The following FLNC variants were observed in gnomAD, a reference collection of about 807,000 sequenced individuals.
FLNC encodes filamin-C.
A neutral mutation model predicts 254.3 loss-of-function variants in FLNC; 91 were observed. The ratio of observed to expected loss-of-function variants is 0.36; its 90% CI spans 0.30 to 0.43. The LOEUF (loss-of-function observed/expected upper bound fraction) is 0.43. FLNC is among the 20% of genes least tolerant of loss of function. The pLI is 1.00. For missense variants in FLNC, 2,853 were observed against 3,802.6 expected, an observed-to-expected ratio of 0.75 and a Z score of 6.57; for synonymous variants, 1,430 against 1,577.2, an observed-to-expected ratio of 0.91 and a Z score of 2.21.
rs968733991 is a variant in FLNC at position 128,830,454 on chromosome 7, G to C, written c.-184G>C. 37 of 608,816 alleles carry C rather than the reference G, an allele frequency of 6.1e-5. No individual in the cohort carries two copies. The highest frequency in any genetic ancestry group is 9.0e-5 in the Non-Finnish European group (31 of 345,614). 37.7% of individuals were successfully genotyped at this position (608,816 alleles called of 1,614,324 possible). On this transcript the variant is annotated 5_prime_UTR_variant, in exon 1 of 48. Transcript: ENST00000325888. Reference sequence around the variant, plus strand: ...CCCTGGAGGGAGAGAGAGCCAGAGAGCGGCCGAGCGCCTAGGAGGCCCGCC... The same window carrying C: ...CCCTGGAGGGAGAGAGAGCCAGAGACCGGCCGAGCGCCTAGGAGGCCCGCC...
chr7:128,835,333 G>A lies in FLNC; in HGVS notation c.360G>A (p.Lys120=), dbSNP rs867399299. The part of the protein sequence containing the change: ...EHIKLVSIDS[K]AIVDGNLKLI... Reference sequence around the variant, plus strand: ...GTGCCCTCCCCTCTGCAGACAGCAAGGCCATCGTGGATGGGAACCTGAAGC... The same window carrying A: ...GTGCCCTCCCCTCTGCAGACAGCAAAGCCATCGTGGATGGGAACCTGAAGC... The change falls in exon 2 of 48, where the codon AAG becomes AAA. Residue 120 remains lysine, a synonymous_variant. Transcript: ENST00000325888. The surrounding 1 kb of genome is among the most constrained non-coding windows in gnomAD (Gnocchi z 5.3). 1.1e-5 allele frequency: 17 copies of A among 1,613,588 alleles called. No homozygotes were observed. The highest frequency in any genetic ancestry group is 1.4e-5 in the Non-Finnish European group (16 of 1,180,030).
Position 128,848,996 on chromosome 7 carries a change from C to T in FLNC, c.4927+14C>T, listed in dbSNP as rs542105844. ...GCCTCGTCACAGGTGGGTGCCCACC[C>T]GCTGCCCGTGCCCTGCTCACCACCC... On this transcript the variant is annotated intron_variant, in intron 28 of 47. Coordinates refer to ENST00000325888, the MANE Select transcript of FLNC (RefSeq NM_001458.5). 1.6e-5 allele frequency: 25 copies of T among 1,609,000 alleles called. 1 individual carries two copies. The highest frequency in any genetic ancestry group is 1.2e-4 in the South Asian group (11 of 90,976).
chr7:128,843,469 G>A lies in FLNC; in HGVS notation c.2703G>A (p.Lys901=). The change falls in exon 18 of 48, where the codon AAG becomes AAA. Residue 901 remains lysine, a synonymous_variant. Transcript: ENST00000325888. ...TGACCAAGGGAGCCGGCAAGGCCAAGCTGGATGTGCAGTTTGCAGGGACAG... is the reference window on the plus strand; with the variant it reads ...TGACCAAGGGAGCCGGCAAGGCCAAACTGGATGTGCAGTTTGCAGGGACAG... ...TVLTKGAGKA[K]LDVQFAGTAK... 1 of 1,614,150 alleles carries A rather than the reference G, an allele frequency of 6.2e-7. No homozygotes were observed.
chr7:128,850,159 G>C, intron 31 of FLNC, 85 bp downstream of exon 31: 1 of 1,248,036 alleles, frequency 8.0e-7, no homozygotes, highest in East Asian at 2.5e-5. Context: ...CCAGGGCGGG[G>C]ACATGGTCTG....
chr7:128,857,719 C>T lies in FLNC; in HGVS notation c.7781-289C>T, dbSNP rs913091618. ...GGGTGGGTGTTCCTTTGTAAAGTGG[C>T]TCTTACCCTGTGAGTTAGCCTGAGT... On this transcript the variant is annotated intron_variant, in intron 46 of 47. Coordinates refer to ENST00000325888, the MANE Select transcript of FLNC (RefSeq NM_001458.5). This position sits in a 1 kb window ranked among gnomAD's most constrained non-coding sequence, Gnocchi z 4.5. 6.6e-6 allele frequency among the ~76,000 whole-genome samples: 1 copy of T among 151,956 alleles called. No homozygotes were observed. The highest frequency in any genetic ancestry group is 6.5e-5 in the Admixed American group (1 of 15,274).
At position 128,851,485 on chromosome 7, in the gene FLNC, C is replaced by G; in HGVS notation, c.5699C>G (p.Ser1900Cys). 6.2e-7 allele frequency: 1 copy of G among 1,613,994 alleles called. No homozygotes were observed. The highest frequency in any genetic ancestry group is 8.5e-7 in the Non-Finnish European group (1 of 1,180,040). The change falls in exon 35 of 48, where the codon TCC becomes TGC. Residue 1900 changes from serine (S) to cysteine (C), a missense_variant. By Grantham distance (112) the Ser-to-Cys change is moderately radical. This residue lies in a region of FLNC where 551 missense variants were observed against 835.0 expected (regional missense o/e 0.66). Coordinates refer to ENST00000325888, the MANE Select transcript of FLNC (RefSeq NM_001458.5). ...GGLSLAVEGP[S>C]KAEITCKDNK... ...CTGTCACTGGCCGTGGAGGGCCCAT[C>G]CAAGGCAGAGATCACCTGTAAGGAC... is the stretch of plus-strand genomic sequence containing the variant.
At chr7:128,850,530 T>C in intron 32 of FLNC, 47 bp downstream of exon 32, 1 of 1,468,154 alleles carries the variant, frequency 6.8e-7, no homozygotes, top group Non-Finnish European at 9.5e-7. Flanking sequence ...GGAGAAACCC[T>C]CTTCCAGGCC....
In FLNC at chr7:128,856,731, C is replaced by T; in HGVS notation, c.7385-14C>T. 1.2e-6 allele frequency: 2 copies of T among 1,614,140 alleles called. No homozygotes were observed. Among genetic ancestry groups the T allele is most frequent in the South Asian group, 1.1e-5 (1 of 91,076 alleles). On this transcript the variant is annotated splice_polypyrimidine_tract_variant and intron_variant, in intron 44 of 47. Coordinates refer to ENST00000325888, the MANE Select transcript of FLNC (RefSeq NM_001458.5). This position sits in a 1 kb window ranked among gnomAD's most constrained non-coding sequence, Gnocchi z 5.9. Reference sequence around the variant, plus strand: ...GGAAGGATGGAGGCTAAGCCACCAACCCTTTATCCACAGACAAGCACACCA... The same window carrying T: ...GGAAGGATGGAGGCTAAGCCACCAATCCTTTATCCACAGACAAGCACACCA...
In FLNC at chr7:128,854,642, C is replaced by G. The variant is rs553639480; in HGVS notation, c.6957C>G (p.Ala2319=). The G allele has an allele frequency of 6.2e-7, 1 of 1,612,568 alleles. No individual in the cohort carries two copies. The highest frequency in any genetic ancestry group is 1.7e-5 in the Admixed American group (1 of 59,902). ...AAGGTGGTGCCCACAAGGTGCGGGC[C>G]GGAGGCACAGGGCTGGAGCGAGGTG... is the stretch of plus-strand genomic sequence containing the variant. ...LGEGGAHKVR[A]GGTGLERGVA... is the part of the protein sequence containing the mutation. Residue 2319 remains alanine (A), a synonymous_variant, in exon 41 of 48, where the codon GCC becomes GCG. Transcript: ENST00000325888.
Position 128,850,372 on chromosome 7 carries a change from C to T in FLNC, c.5299-12C>T, listed in dbSNP as rs1434866018. On this transcript the variant is annotated splice_polypyrimidine_tract_variant and intron_variant, in intron 31 of 47. Coordinates refer to ENST00000325888, the MANE Select transcript of FLNC (RefSeq NM_001458.5). ...TCCCCAGTCACTGACTGTTCCCTCT[C>T]ACCTGCTGCAGGCCACAGAGGAGCC... The T allele has an allele frequency of 6.2e-7, 1 of 1,609,848 alleles. No homozygotes were observed. The highest frequency in any genetic ancestry group is 1.7e-5 in the Admixed American group (1 of 60,020).
rs60473969 is a variant in FLNC, at chr7:128,858,576, TACACACACAC to T, written c.*67_*76del. On this transcript the variant is annotated 3_prime_UTR_variant, in exon 48 of 48. Transcript: ENST00000325888. This position sits in a 1 kb window ranked among gnomAD's most constrained non-coding sequence, Gnocchi z 6.7. ...CCCCCACCTCCAGCCACACACACAT[TACACACACAC>T]ACACACACACACAAATGTGCCACAC... 11 of 998,964 alleles carry T rather than the reference TACACACACAC, an allele frequency of 1.1e-5. No homozygotes were observed. The highest frequency in any genetic ancestry group is 2.6e-5 in the East Asian group (1 of 39,212). 61.9% of individuals were successfully genotyped at this position (998,964 alleles called of 1,614,324 possible). A position where few individuals can be genotyped will look rare whatever the true frequency, so the allele number is the denominator to read the frequency against.
chr7:128,851,539 A>C lies in FLNC; in HGVS notation c.5753A>C (p.Tyr1918Ser). ...DNKDGTCTVS[Y>S]LPTAPGDYSI... Reference sequence around the variant, plus strand: ...AAGGATGGCACCTGCACCGTGTCCTATCTGCCGACTGCGCCTGGAGACTAC... The same window carrying C: ...AAGGATGGCACCTGCACCGTGTCCTCTCTGCCGACTGCGCCTGGAGACTAC... Residue 1918 changes from tyrosine to serine, a missense_variant, in exon 35 of 48, where the codon TAT (tyrosine) becomes TCT (serine). Physicochemically the swap from Tyr to Ser is moderately radical, Grantham distance 144. Coordinates refer to ENST00000325888, the MANE Select transcript of FLNC (RefSeq NM_001458.5). 2 of 1,613,992 alleles carry C rather than the reference A, an allele frequency of 1.2e-6. No homozygotes were observed. The highest frequency in any genetic ancestry group is 1.7e-6 in the Non-Finnish European group (2 of 1,180,046).
At position 128,837,653 on chromosome 7, in the gene FLNC, C is replaced by T. The variant is rs775809908; in HGVS notation, c.867C>T (p.Gly289=). Residue 289 remains glycine, a synonymous_variant, in exon 5 of 48, where the codon GGC becomes GGT. Coordinates refer to ENST00000325888, the MANE Select transcript of FLNC (RefSeq NM_001458.5). The stretch of plus-strand genomic sequence containing the variant: ...GCCCCGTAGGCATCGAGCCACAGGG[C>T]AACACCGTGCTGCAGCCTGCCCACT... The part of the protein sequence containing the change: ...IAYGPGIEPQ[G]NTVLQPAHFT... 6.2e-7 allele frequency: 1 copy of T among 1,612,604 alleles called. No homozygotes were observed. Among genetic ancestry groups the T allele is most frequent in the Admixed American group, 1.7e-5 (1 of 60,020 alleles).
At chr7:128,847,893 G>T (rs1201922504) in intron 25 of FLNC, 29 bp downstream of exon 25, 1 of 1,613,846 alleles carries the variant, frequency 6.2e-7, no homozygotes, top group Middle Eastern at 1.7e-4. Flanking sequence ...AGGGAGGAGG[G>T]AGGTGGGGCG....
chr7:128,856,649 T>C lies in FLNC; in HGVS notation c.7383T>C (p.Ser2461=). The change falls in exon 44 of 48, where the codon AGT becomes AGC. Residue 2461 remains serine, a splice_region_variant and synonymous_variant. Coordinates refer to ENST00000325888, the MANE Select transcript of FLNC (RefSeq NM_001458.5). The surrounding 1 kb of genome is among the most constrained non-coding windows in gnomAD (Gnocchi z 5.9). The part of the protein sequence containing the change: ...VEECYVSELD[S]DKHTIRFIPH... ...AGTGCTACGTCTCTGAGCTGGACAG[T>C]GGTGAGCTGGCCCTGCCCCTGCCAA... 1 of 1,613,080 alleles carries C rather than the reference T, an allele frequency of 6.2e-7. No homozygotes were observed.
Position 128,857,776 on chromosome 7 carries a change from C to T in FLNC, c.7781-232C>T, listed in dbSNP as rs1809127419. 6.6e-6 allele frequency among the ~76,000 whole-genome samples: 1 copy of T among 152,090 alleles called. No homozygotes were observed. Among genetic ancestry groups the T allele is most frequent in the African/African-American group, 2.4e-5 (1 of 41,392 alleles). On this transcript the variant is annotated intron_variant, in intron 46 of 47. Transcript: ENST00000325888. This position sits in a 1 kb window ranked among gnomAD's most constrained non-coding sequence, Gnocchi z 4.5. ...ACAAAGCCTGCAAGGATGAGGGACG[C>T]AGCATCTGAGGCCCCAGCCCTAGGG...
At chr7:128,851,784 C>G (rs533826462) in intron 35 of FLNC, among the ~76,000 whole-genome samples, 156 bp downstream of exon 35, 9 of 152,362 alleles carry the variant, frequency 5.9e-5, no homozygotes, top group African/African-American at 1.4e-4. Flanking sequence ...TAAAAACACT[C>G]TGTTCTCCAC....
chr7:128,851,906 C>A (rs1808833473), intron 35 of FLNC, among the ~76,000 whole-genome samples: 1 of 152,216 alleles, frequency 6.6e-6, no homozygotes, highest in African/African-American at 2.4e-5. Context: ...TGCTCTGTCA[C>A]CCAGGCTGGA....
At chr7:128,844,348 G>A in intron 20 of FLNC, 82 bp downstream of exon 20, 2 of 1,476,496 alleles carry the variant, frequency 1.4e-6, no homozygotes, top group Non-Finnish European at 1.8e-6. Context: ...AGAGGCCAGA[G>A]GGACTTATGT....
Sources: allele counts gnomAD v4.1 joint callset (sites outside exome capture counted in the v4.1 genomes callset), GRCh38; gene constraint gnomAD v4.1.1; regional missense constraint gnomAD v4.1.1; non-coding constraint Gnocchi (gnomAD v3.1); transcripts MANE v1.5; gene names NCBI Gene and HGNC (gene_info 2026-07-23, HGNC 2026-07-21).